The following COL11A1 variants were observed in gnomAD, a reference collection of about 807,000 sequenced individuals.
The protein encoded by COL11A1 is collagen alpha-1(XI) chain.
Under a neutral mutation model 265.2 loss-of-function variants are expected in COL11A1, and 74 were observed. That is an observed-to-expected ratio of 0.28 (90% CI 0.23 to 0.34). COL11A1 has a LOEUF of 0.34. COL11A1 is among the 10% of genes least tolerant of loss of function. The pLI is 1.00. For synonymous variants in COL11A1, 816 were observed against 727.6 expected, an observed-to-expected ratio of 1.12 and a Z score of -1.96; for missense variants, 2,165 against 2,263.6, an observed-to-expected ratio of 0.96 and a Z score of 0.88.
At chr1:103,085,758 T>C (rs901752652) in intron 1 of COL11A1, among the ~76,000 whole-genome samples, 1 of 152,180 alleles carries the variant, frequency 6.6e-6, no homozygotes, top group African/African-American at 2.4e-5. Context: ...AACGGCTATG[T>C]TTTTAAGCCA....
chr1:103,014,438 T>A, intron 13 of COL11A1, 73 bp downstream of exon 13: 2 of 1,208,050 alleles, frequency 1.7e-6, no homozygotes, highest in Non-Finnish European at 2.5e-6. Flanking sequence ...GGTAGCATCT[T>A]CCGTATGTAC....
rs561918554 is a variant in COL11A1, at chr1:103,106,449, C to T, written c.106+1624G>A. Among the ~76,000 whole-genome samples, 8 of 152,240 alleles carry T rather than the reference C, an allele frequency of 5.3e-5. No individual in the cohort carries two copies. In the South Asian group the frequency reaches 1.7e-3, roughly 32 times the overall value. The stretch of plus-strand genomic sequence containing the variant: ...CCAGTACCACTGTAGTTAAGAGGGA[C>T]TTACAGAGGCCTCATGTCCCACGGT... On this transcript the variant is annotated intron_variant, in intron 1 of 66. Coordinates refer to ENST00000370096, the MANE Select transcript of COL11A1 (RefSeq NM_001854.4).
rs201322975 is a variant in COL11A1 at position 103,004,719 on chromosome 1, C to T, written c.1846-58G>A. 1.2e-3 allele frequency: 1,675 copies of T among 1,431,820 alleles called. 2 individuals carry two copies. Among genetic ancestry groups the T allele is most frequent in the Non-Finnish European group, 1.6e-3 (1,598 of 1,022,092 alleles). The allele number at this position is 1,431,820 out of a possible 1,614,324, so 88.7% of individuals were successfully genotyped here. On this transcript the variant is annotated intron_variant, in intron 18 of 66. Transcript: ENST00000370096. The stretch of plus-strand genomic sequence containing the variant: ...GGAAAGAAGTAGAATGTTTACAAGT[C>T]TATCAGGTAGCTATCCAAACCAAAT...
intron 1 of COL11A1, among the ~76,000 whole-genome samples, chr1:103,097,932 T>C (rs1224731315): frequency 6.6e-6 from 1 of 151,880 alleles, no homozygotes; most frequent in Non-Finnish European, 1.5e-5. Context: ...CTTTTTTATA[T>C]CATAAAAGCT....
intron 21 of COL11A1, 44 bp from the exon 22 acceptor site, chr1:103,002,835 T>A: frequency 6.4e-7 from 1 of 1,554,090 alleles, no homozygotes; most frequent in Non-Finnish European, 8.9e-7. Context: ...TATGTTTTGA[T>A]GCTAAAACAG....
chr1:102,989,654 CT>C (rs1663931737), intron 28 of COL11A1, 83 bp from the exon 29 acceptor site: 1 of 986,250 alleles, frequency 1.0e-6, no homozygotes, highest in Non-Finnish European at 1.6e-6. Context: ...AATTTATGTG[CT>C]GATAACGAGG....
chr1:102,889,548 T>G lies in COL11A1; in HGVS notation c.4371A>C (p.Leu1457Phe). 1 of 1,613,270 alleles carries G rather than the reference T, an allele frequency of 6.2e-7. No homozygotes were observed. Among genetic ancestry groups the G allele is most frequent in the Non-Finnish European group, 8.5e-7 (1 of 1,179,498 alleles). ...CTCCTGGAGGACCAATCAGGCCAAT[T>G]AAACCAGGATGTCCCTTTGAAAGGC... ...GSKGEKGHPGLIGLIGPPGEQ... is the reference protein window; with the variant it reads ...GSKGEKGHPGFIGLIGPPGEQ... The change falls in exon 59 of 67, where the codon TTA becomes TTC. Residue 1457 changes from leucine to phenylalanine, a missense_variant. Coordinates refer to ENST00000370096, the MANE Select transcript of COL11A1 (RefSeq NM_001854.4).
At position 102,916,725 on chromosome 1, in the gene COL11A1, A is replaced by G. The variant is rs566524760; in HGVS notation, c.3763-1041T>C. Reference sequence around the variant, plus strand: ...TACCCACTTAATGGTGGAGACATCAAGTACTTTTCCAGAGTTTATTATAAG... The same window carrying G: ...TACCCACTTAATGGTGGAGACATCAGGTACTTTTCCAGAGTTTATTATAAG... On this transcript the variant is annotated intron_variant, in intron 49 of 66. Coordinates refer to ENST00000370096, the MANE Select transcript of COL11A1 (RefSeq NM_001854.4). Among the ~76,000 whole-genome samples the G allele has an allele frequency of 2.0e-5, 3 of 152,138 alleles. No individual in the cohort carries two copies. The South Asian group carries it at 6.2e-4, about 31-fold the overall frequency.
intron 63 of COL11A1, chr1:102,884,637 A>G (rs1047784163): frequency 3.3e-5 from 5 of 152,260 alleles, no homozygotes; most frequent in Non-Finnish European, 5.9e-5. Context: ...GCTCCAGGAA[A>G]CAAAATGTGT....
At chr1:102,932,534 T>C (rs903271696) in intron 46 of COL11A1, among the ~76,000 whole-genome samples, 5 of 152,168 alleles carry the variant, frequency 3.3e-5, no homozygotes, top group Admixed American at 2.6e-4. Flanking sequence ...ATTTTTTCCT[T>C]CATTTCAACT....
At chr1:102,988,214 G>A (rs968332860) in intron 29 of COL11A1, among the ~76,000 whole-genome samples, 1 of 152,012 alleles carries the variant, frequency 6.6e-6, no homozygotes. Context: ...GATTTAACTG[G>A]CCTCATGTTC....
chr1:103,046,838 C>G (rs1211158232), intron 4 of COL11A1, among the ~76,000 whole-genome samples: 4 of 151,574 alleles, frequency 2.6e-5, no homozygotes, highest in Non-Finnish European at 4.4e-5. Context: ...AGCCAGTTTT[C>G]CCAGCACCAT....
At chr1:103,050,366 G>A (rs1380843380) in intron 4 of COL11A1, among the ~76,000 whole-genome samples, 1 of 151,952 alleles carries the variant, frequency 6.6e-6, no homozygotes, top group African/African-American at 2.4e-5. Flanking sequence ...TTCCATCACT[G>A]ATACCCTTTC....
chr1:102,917,397 A>G (rs539456607), intron 49 of COL11A1, among the ~76,000 whole-genome samples: 1 of 152,030 alleles, frequency 6.6e-6, no homozygotes, highest in East Asian at 1.9e-4. Context: ...AAAAGAAAAC[A>G]TAGGGAAAAC....
intron 37 of COL11A1, 141 bp downstream of exon 37, chr1:102,970,078 C>A: frequency 4.1e-6 from 2 of 490,864 alleles, no homozygotes; most frequent in Non-Finnish European, 3.7e-6. Context: ...ATGTATATTT[C>A]AATAAAAGGC....
chr1:102,912,092 C>G, intron 54 of COL11A1, 67 bp downstream of exon 54: 1 of 1,295,386 alleles, frequency 7.7e-7, no homozygotes, highest in South Asian at 1.3e-5. Context: ...AGCTTACACA[C>G]ATTATATAAA....
At chr1:103,029,715 C>A (rs1667827767) in intron 5 of COL11A1, among the ~76,000 whole-genome samples, 1 of 151,900 alleles carries the variant, frequency 6.6e-6, no homozygotes, top group Admixed American at 6.6e-5. Context: ...TTTGACATCT[C>A]AACAGAATGT....
chr1:102,885,886 T>A (rs922583498), intron 63 of COL11A1, among the ~76,000 whole-genome samples: 3 of 152,172 alleles, frequency 2.0e-5, no homozygotes, highest in African/African-American at 4.8e-5. Context: ...AATAATTACC[T>A]GTGTTTTACC....
chr1:103,022,213 T>A (rs1489260386), intron 8 of COL11A1, among the ~76,000 whole-genome samples: 1 of 151,878 alleles, frequency 6.6e-6, no homozygotes, highest in Non-Finnish European at 1.5e-5. Flanking sequence ...AACAACCTAT[T>A]AAAATATATT....
Sources: gnomAD v4.1 joint callset for allele counts (sites outside exome capture counted in the v4.1 genomes callset) on GRCh38, gnomAD v4.1.1 for gene constraint, MANE v1.5 for transcripts, NCBI Gene and HGNC (gene_info 2026-07-23, HGNC 2026-07-21) for gene names.